CMSS1: variants seen among roughly 807,000 people sequenced by gnomAD.
CMSS1 encodes protein CMSS1.
A neutral mutation model predicts 43.5 loss-of-function variants in CMSS1; 33 were observed. The observed-to-expected ratio is 0.76, with a 90% confidence interval of 0.57 to 1.01. The LOEUF (loss-of-function observed/expected upper bound fraction) is 1.01, where lower values mean the gene tolerates loss of function less well. Among genes scored for constraint, CMSS1 ranks in the 50% least tolerant of loss-of-function variants. The pLI is 0.00. For missense variants in CMSS1, 313 were observed against 326.4 expected (o/e 0.96, Z 0.32); for synonymous variants, 115 against 117.2 (o/e 0.98, Z 0.12).
At chr3:99,998,701 T>C (rs1453909674) in intron 1 of CMSS1, among the ~76,000 whole-genome samples, 3 of 152,180 alleles carry the variant, frequency 2.0e-5, no homozygotes, top group Non-Finnish European at 4.4e-5. Context: ...TAGCTGGGAC[T>C]ACAAGCACAT....
In CMSS1 at chr3:100,147,101, T is replaced by A. The variant is rs368746696; in HGVS notation, c.153+40T>A. The A allele has an allele frequency of 5.0e-6, 8 of 1,609,702 alleles. No homozygotes were observed. In the African/African-American group the frequency reaches 8.0e-5, roughly 16 times the overall value. On this transcript the variant is annotated intron_variant, in intron 2 of 9. Coordinates refer to ENST00000421999, the MANE Select transcript of CMSS1 (RefSeq NM_032359.4). ...TGGGAGAGCCACCACTGTTAAATTCTGAAATCAGCCTTTTCCTCCTCTCTA... is the reference window on the plus strand; with the variant it reads ...TGGGAGAGCCACCACTGTTAAATTCAGAAATCAGCCTTTTCCTCCTCTCTA...
rs936294124 is a variant in CMSS1 at position 100,132,521 on chromosome 3, G to A, written c.65-14452G>A. Among the ~76,000 whole-genome samples the A allele has an allele frequency of 2.2e-4, 33 of 151,806 alleles. 2 individuals are homozygous for A. Among genetic ancestry groups the A allele is most frequent in the Admixed American group, 2.6e-4 (4 of 15,248 alleles). On this transcript the variant is annotated intron_variant, in intron 1 of 9. Transcript: ENST00000421999. ...AAATGAACAGTTAAGAACATTCTAT[G>A]CATATAAGAAAATAAAGGCCAGGTG...
chr3:100,066,920 G>A (rs1275205556), intron 1 of CMSS1, among the ~76,000 whole-genome samples: 1 of 152,094 alleles, frequency 6.6e-6, no homozygotes, highest in Non-Finnish European at 1.5e-5. Flanking sequence ...GTCATTACTT[G>A]TTTTCTCACA....
intron 1 of CMSS1, among the ~76,000 whole-genome samples, chr3:99,861,989 A>G (rs1032713490): frequency 2.6e-5 from 4 of 152,236 alleles, no homozygotes; most frequent in African/African-American, 4.8e-5. Flanking sequence ...AAAACAATCC[A>G]TACAAAAAGT....
rs115017494 is a variant in CMSS1, at chr3:100,058,707, G to A, written c.65-88266G>A. 3.7e-3 allele frequency among the ~76,000 whole-genome samples: 568 copies of A among 152,218 alleles called. 3 individuals are homozygous for A. The highest frequency in any genetic ancestry group is 0.013 in the African/African-American group (528 of 41,526). ...CCCAGAAGCATCAACAGACAACAGG[G>A]CCCATTTTTCCTGACTGTCCCACTC... On this transcript the variant is annotated intron_variant, in intron 1 of 9. Transcript: ENST00000421999.
intron 1 of CMSS1, among the ~76,000 whole-genome samples, chr3:99,917,074 C>T (rs936224231): frequency 7.9e-5 from 12 of 152,126 alleles, no homozygotes; most frequent in African/African-American, 2.9e-4. Flanking sequence ...GTTGCCTTTC[C>T]ACATTCAGTT....
chr3:99,843,217 C>T (rs1943211124), intron 1 of CMSS1, among the ~76,000 whole-genome samples: 1 of 152,140 alleles, frequency 6.6e-6, no homozygotes, highest in Non-Finnish European at 1.5e-5. Context: ...AGAAATGCTA[C>T]AGATTTAAGT....
intron 2 of CMSS1, among the ~76,000 whole-genome samples, chr3:100,155,853 T>C (rs149730078): frequency 3.9e-4 from 59 of 152,350 alleles, no homozygotes; most frequent in African/African-American, 1.4e-3. Flanking sequence ...TATTGCTTTT[T>C]AGAAATCTTG....
intron 1 of CMSS1, among the ~76,000 whole-genome samples, chr3:100,068,209 T>C (rs2065699228): frequency 6.6e-6 from 1 of 152,230 alleles, no homozygotes; most frequent in African/African-American, 2.4e-5. Context: ...TGATTCCTGG[T>C]ATTGACAAAG....
chr3:99,908,475 T>C (rs539601818), intron 1 of CMSS1, among the ~76,000 whole-genome samples: 6 of 152,320 alleles, frequency 3.9e-5, no homozygotes, highest in African/African-American at 1.2e-4. Flanking sequence ...CCCAGGAATC[T>C]ATACTTTTAA....
chr3:100,049,866 T>C (rs1475754744), intron 1 of CMSS1, among the ~76,000 whole-genome samples: 1 of 152,226 alleles, frequency 6.6e-6, no homozygotes, highest in East Asian at 1.9e-4. Context: ...ATTTTATCAA[T>C]AAGGCTTCTG....
At chr3:99,908,960 C>T (rs1209722750) in intron 1 of CMSS1, among the ~76,000 whole-genome samples, 1 of 151,890 alleles carries the variant, frequency 6.6e-6, no homozygotes. Flanking sequence ...TTACTCTGAC[C>T]CCATTTACTC....
chr3:99,932,770 A>C (rs1327932090), intron 1 of CMSS1, among the ~76,000 whole-genome samples: 1 of 152,170 alleles, frequency 6.6e-6, no homozygotes, highest in Non-Finnish European at 1.5e-5. Flanking sequence ...ACACACCTGT[A>C]ATCCCAGCTA....
chr3:100,037,965 AGGG>A (rs75392288), intron 1 of CMSS1, among the ~76,000 whole-genome samples: 72,254 of 98,898 alleles, frequency 0.73, 26,207 homozygotes, highest in East Asian at 0.82. Context: ...TTGGGGGGGG[AGGG>A]AACAGAGTCT....
At chr3:100,164,683 A>C (rs1038883076) in intron 4 of CMSS1, among the ~76,000 whole-genome samples, 3 of 152,200 alleles carry the variant, frequency 2.0e-5, no homozygotes, top group Non-Finnish European at 4.4e-5. Context: ...CCAAGGACAG[A>C]GAATAGATCT....
intron 1 of CMSS1, among the ~76,000 whole-genome samples, chr3:99,860,699 T>C (rs540034679): frequency 6.6e-6 from 1 of 152,262 alleles, no homozygotes; most frequent in East Asian, 1.9e-4. Flanking sequence ...CTTGAAAAGA[T>C]GCTCAGGCTA....
chr3:100,017,133 T>G (rs143399516), intron 1 of CMSS1, among the ~76,000 whole-genome samples: 2 of 152,192 alleles, frequency 1.3e-5, no homozygotes, highest in Non-Finnish European at 2.9e-5. Flanking sequence ...TTCCTGAAAA[T>G]GTTTGTCATC....
At chr3:99,909,217 T>G (rs540558141) in intron 1 of CMSS1, among the ~76,000 whole-genome samples, 1 of 152,312 alleles carries the variant, frequency 6.6e-6, no homozygotes, top group East Asian at 1.9e-4. Flanking sequence ...TGGCCTCTTC[T>G]CATAAAATTA....
At chr3:99,943,091 A>G (rs560328869) in intron 1 of CMSS1, among the ~76,000 whole-genome samples, 20 of 152,176 alleles carry the variant, frequency 1.3e-4, no homozygotes, top group Non-Finnish European at 2.5e-4. Flanking sequence ...GCTTTGAAAT[A>G]TCCCTCAGCT....
Sources: gnomAD v4.1 joint callset for allele counts (sites outside exome capture counted in the v4.1 genomes callset) on GRCh38, gnomAD v4.1.1 for gene constraint, MANE v1.5 for transcripts, NCBI Gene and HGNC (gene_info 2026-07-23, HGNC 2026-07-21) for gene names.